Variants in OCA2 observed in about 807,000 individuals in gnomAD.
OCA2 encodes OCA2 melanosomal transmembrane protein.
Under a neutral mutation model 100.2 loss-of-function variants are expected in OCA2, and 77 were observed. That is an observed-to-expected ratio of 0.77 (90% CI 0.64 to 0.93). The LOEUF is 0.93. Among genes scored for constraint, OCA2 ranks in the 40% least tolerant of loss-of-function variants. The pLI, the probability that OCA2 is intolerant of heterozygous loss-of-function variation, is 0.00. For missense variants in OCA2, 1,062 were observed against 1,089.1 expected (o/e 0.98, Z 0.35); for synonymous variants, 432 against 439.2 (o/e 0.98, Z 0.21).
intron 10 of OCA2, among the ~76,000 whole-genome samples, chr15:27,989,915 C>T (rs1348047235): frequency 3.3e-5 from 5 of 152,316 alleles, no homozygotes; most frequent in South Asian, 2.1e-4. Context: ...TGGCAGCTCC[C>T]ACATGGCGGG....
At chr15:28,089,644 A>C (rs972446236) in intron 1 of OCA2, among the ~76,000 whole-genome samples, 2 of 152,228 alleles carry the variant, frequency 1.3e-5, no homozygotes, top group Non-Finnish European at 2.9e-5. Context: ...AAATGGTCTG[A>C]ATACATCAAC....
At position 27,917,217 on chromosome 15, in the gene OCA2, C is replaced by A. The variant is rs967043398; in HGVS notation, c.2079+8910G>T. Among the ~76,000 whole-genome samples, 12 of 151,988 alleles carry A rather than the reference C, an allele frequency of 7.9e-5. No homozygotes were observed. The East Asian group carries it at 1.9e-3, about 24-fold the overall frequency. On this transcript the variant is annotated intron_variant, in intron 19 of 23. Coordinates refer to ENST00000354638, the MANE Select transcript of OCA2 (RefSeq NM_000275.3). Reference sequence around the variant, plus strand: ...TAAAAATGATAATAATAATAATAGGCTATAGCACTTTTTGAATGCCAACTA... The same window carrying A: ...TAAAAATGATAATAATAATAATAGGATATAGCACTTTTTGAATGCCAACTA...
At chr15:27,862,537 C>T (rs1004159927) in intron 21 of OCA2, among the ~76,000 whole-genome samples, 3 of 149,408 alleles carry the variant, frequency 2.0e-5, no homozygotes, top group East Asian at 2.0e-4. Flanking sequence ...TGAAGTGGTG[C>T]GATCTCGGCT....
intron 9 of OCA2, among the ~76,000 whole-genome samples, chr15:27,997,660 G>T (rs2041794506): frequency 7.5e-6 from 1 of 133,688 alleles, no homozygotes; most frequent in Non-Finnish European, 1.7e-5. Context: ...TGGCGATGCG[G>T]GCTCTTTTTT....
At chr15:27,800,677 A>G (rs929042657) in intron 23 of OCA2, among the ~76,000 whole-genome samples, 5 of 152,158 alleles carry the variant, frequency 3.3e-5, no homozygotes, top group African/African-American at 1.2e-4. Context: ...CTATTTAAGA[A>G]GTTGAGGCCA....
chr15:27,729,197 G>A, the OCA2 span, among the ~76,000 whole-genome samples: 1 of 151,814 alleles, frequency 6.6e-6, no homozygotes, highest in Admixed American at 6.6e-5. Context: ...ATCTGTTCAC[G>A]GCAACTTAAA....
intron 19 of OCA2, among the ~76,000 whole-genome samples, chr15:27,899,079 A>G (rs1270215463): frequency 6.6e-6 from 1 of 152,184 alleles, no homozygotes; most frequent in Non-Finnish European, 1.5e-5. Context: ...ATAATTATAC[A>G]CCATGACCAC....
intron 13 of OCA2, among the ~76,000 whole-genome samples, chr15:27,984,387 T>C (rs2041272615): frequency 6.6e-6 from 1 of 152,028 alleles, no homozygotes; most frequent in South Asian, 2.1e-4. Context: ...AGAAGGCACA[T>C]CACAGCATCC....
At chr15:27,867,579 G>T (rs149967754) in intron 21 of OCA2, among the ~76,000 whole-genome samples, 1 of 152,132 alleles carries the variant, frequency 6.6e-6, no homozygotes, top group Admixed American at 6.5e-5. Flanking sequence ...GAAACCAGTC[G>T]CTGTGAAGTT....
intron 23 of OCA2, among the ~76,000 whole-genome samples, chr15:27,781,162 T>G (rs556485583): frequency 1.3e-5 from 2 of 152,292 alleles, no homozygotes; most frequent in African/African-American, 2.4e-5. Flanking sequence ...CTTGTGTGGG[T>G]TCAGTCACCC....
At chr15:27,743,480 C>G in the OCA2 span, among the ~76,000 whole-genome samples, 1 of 152,164 alleles carries the variant, frequency 6.6e-6, no homozygotes, top group Non-Finnish European at 1.5e-5. Context: ...CTCCCAGAAG[C>G]CTTCTGGTGG....
At chr15:27,973,905 G>A in intron 14 of OCA2, among the ~76,000 whole-genome samples, 1 of 152,178 alleles carries the variant, frequency 6.6e-6, no homozygotes, top group African/African-American at 2.4e-5. Flanking sequence ...TCAACTCCTT[G>A]GTTAAGTATA....
intron 23 of OCA2, among the ~76,000 whole-genome samples, chr15:27,789,161 T>C (rs1267964895): frequency 6.7e-6 from 1 of 149,678 alleles, no homozygotes; most frequent in East Asian, 2.0e-4. Context: ...TAGCTGTGTA[T>C]AGCTATATAG....
rs372184971 is a variant in OCA2, at chr15:28,032,105, C to T, written c.286G>A (p.Glu96Lys). 6.2e-6 allele frequency: 10 copies of T among 1,613,974 alleles called. No homozygotes were observed. The highest frequency in any genetic ancestry group is 5.5e-5 in the South Asian group (5 of 91,082). The part of the protein sequence containing the change: ...SSRSKDSCFT[E>K]NTPLLRNSLQ... ...GAATTCCTCAGCAAAGGAGTGTTTT[C>T]TGTAAAGCAGGAATCTTTAGACCTG... The change falls in exon 3 of 24, where the codon GAA becomes AAA. Residue 96 changes from glutamate (E) to lysine (K), a missense_variant. Coordinates refer to ENST00000354638, the MANE Select transcript of OCA2 (RefSeq NM_000275.3).
intron 2 of OCA2, among the ~76,000 whole-genome samples, chr15:28,081,089 A>G (rs757717995): frequency 4.6e-5 from 7 of 152,142 alleles, no homozygotes; most frequent in African/African-American, 9.7e-5. Flanking sequence ...CACTCGGACC[A>G]CACAGGGGCG....
At chr15:27,845,875 T>A (rs1175414533) in intron 22 of OCA2, among the ~76,000 whole-genome samples, 4 of 152,160 alleles carry the variant, frequency 2.6e-5, no homozygotes, top group African/African-American at 9.7e-5. Context: ...GCCCTGGAGC[T>A]GCCTACAGCA....
At chr15:27,741,249 T>G in the OCA2 span, among the ~76,000 whole-genome samples, 160 of 152,304 alleles carry the variant, frequency 1.1e-3, 2 homozygotes, top group Non-Finnish European at 3.4e-4. Context: ...AGATTCCTAT[T>G]GTCAAATTAA....
Position 28,096,205 on chromosome 15 carries a change from G to A in OCA2, c.-22+3019C>T, listed in dbSNP as rs536719158. Among the ~76,000 whole-genome samples the A allele has an allele frequency of 3.3e-5, 5 of 151,138 alleles. No homozygotes were observed. The South Asian group carries it at 1.1e-3, about 32-fold the overall frequency. On this transcript the variant is annotated intron_variant, in intron 1 of 23. Transcript: ENST00000354638. The stretch of plus-strand genomic sequence containing the variant: ...CCAAGGCGTGGCCGTGTCTCTGGGG[G>A]CATGGCTTGTCTCCGGGGCGTGGTT...
intron 14 of OCA2, among the ~76,000 whole-genome samples, chr15:27,971,865 G>A (rs11633338): frequency 0.51 from 77,337 of 151,822 alleles, 24,220 homozygotes; most frequent in Non-Finnish European, 0.72. Flanking sequence ...AGTGGTTTTC[G>A]GTTACATGGA....
Sources: allele counts gnomAD v4.1 joint callset (sites outside exome capture counted in the v4.1 genomes callset), GRCh38; gene constraint gnomAD v4.1.1; transcripts MANE v1.5; gene names NCBI Gene and HGNC (gene_info 2026-07-23, HGNC 2026-07-21).